The following COMMD10 variants were observed in gnomAD, a reference collection of about 807,000 sequenced individuals.
COMMD10 encodes the protein COMM domain containing 10, also known as COMM domain-containing protein 10.
Under a neutral mutation model 28.9 loss-of-function variants are expected in COMMD10, and 33 were observed. The ratio of observed to expected loss-of-function variants is 1.14; its 90% confidence interval spans 0.87 to 1.53. COMMD10 has a LOEUF of 1.53. Among genes scored for constraint, COMMD10 ranks in the 40% most tolerant of loss-of-function variants. COMMD10 has a pLI of 0.00. For synonymous variants in COMMD10, 110 were observed against 81.7 expected, an observed-to-expected ratio of 1.35 and a Z score of -1.87; for missense variants, 310 against 233.4, an observed-to-expected ratio of 1.33 and a Z score of -2.14.
At chr5:116,220,296 G>A (rs1272594370) in intron 5 of COMMD10, among the ~76,000 whole-genome samples, 1 of 152,194 alleles carries the variant, frequency 6.6e-6, no homozygotes, top group Non-Finnish European at 1.5e-5. Flanking sequence ...TTCTTCAGGA[G>A]TGAAGACTAC....
At chr5:116,087,453 C>T (rs1280116497) in intron 1 of COMMD10, 44 bp from the exon 2 acceptor site, 1 of 1,230,964 alleles carries the variant, frequency 8.1e-7, no homozygotes, top group Non-Finnish European at 1.2e-6. Context: ...TGCAGTTCAA[C>T]TTGGAAAACT....
At chr5:116,288,153 G>C (rs62384468) in intron 5 of COMMD10, among the ~76,000 whole-genome samples, 11,447 of 151,686 alleles carry the variant, frequency 0.075, 547 homozygotes, top group Admixed American at 0.13. Flanking sequence ...TCTTTATCTG[G>C]GAAAATGTTA....
At chr5:116,214,994 C>T (rs1253761581) in intron 5 of COMMD10, among the ~76,000 whole-genome samples, 1 of 152,008 alleles carries the variant, frequency 6.6e-6, no homozygotes, top group Non-Finnish European at 1.5e-5. Context: ...TTCTCCCCAG[C>T]CTTCTATGCA....
At chr5:116,186,875 A>C (rs1427628666) in intron 5 of COMMD10, among the ~76,000 whole-genome samples, 1 of 152,172 alleles carries the variant, frequency 6.6e-6, no homozygotes, top group East Asian at 1.9e-4. Context: ...GTTATTAAGC[A>C]CTGTAGCCCG....
chr5:116,118,340 G>T (rs562625237), intron 4 of COMMD10, among the ~76,000 whole-genome samples: 3 of 151,974 alleles, frequency 2.0e-5, no homozygotes, highest in East Asian at 3.9e-4. Flanking sequence ...CTCCTCAATG[G>T]CAATAATTTT....
At chr5:116,191,583 C>A (rs1748373152) in intron 5 of COMMD10, among the ~76,000 whole-genome samples, 1 of 151,920 alleles carries the variant, frequency 6.6e-6, no homozygotes, top group East Asian at 1.9e-4. Flanking sequence ...CCTAGGTACA[C>A]AGCTCTAGTG....
chr5:116,224,705 G>T (rs1749348833), intron 5 of COMMD10, among the ~76,000 whole-genome samples: 1 of 152,178 alleles, frequency 6.6e-6, no homozygotes, highest in South Asian at 2.1e-4. Flanking sequence ...CCCACCTCCA[G>T]CATTAGACAT....
chr5:116,118,220 T>C (rs950314512), intron 4 of COMMD10, among the ~76,000 whole-genome samples: 5 of 152,240 alleles, frequency 3.3e-5, no homozygotes, highest in African/African-American at 1.2e-4. Flanking sequence ...TGCCACCTCC[T>C]CTGTGGCATT....
At chr5:116,094,561 G>C (rs745875518) in intron 4 of COMMD10, among the ~76,000 whole-genome samples, 1 of 152,146 alleles carries the variant, frequency 6.6e-6, no homozygotes. Context: ...ACTCTCATAT[G>C]CTTTTGGTGG....
At chr5:116,152,838 T>G (rs181403240) in intron 5 of COMMD10, among the ~76,000 whole-genome samples, 1 of 152,226 alleles carries the variant, frequency 6.6e-6, no homozygotes, top group East Asian at 1.9e-4. Context: ...ATATGAGAAT[T>G]ATAAGCATAA....
chr5:116,191,762 A>G (rs1029525109), intron 5 of COMMD10, among the ~76,000 whole-genome samples: 3 of 151,866 alleles, frequency 2.0e-5, no homozygotes, highest in Non-Finnish European at 2.9e-5. Flanking sequence ...GCCCCTGCCC[A>G]TTGCTGGTCC....
At chr5:116,187,932 A>C (rs1172763827) in intron 5 of COMMD10, among the ~76,000 whole-genome samples, 1 of 152,108 alleles carries the variant, frequency 6.6e-6, no homozygotes, top group Admixed American at 6.6e-5. Flanking sequence ...TTACCCTGTA[A>C]TCACAGAAGC....
At chr5:116,138,280 C>T (rs1752089459) in intron 5 of COMMD10, among the ~76,000 whole-genome samples, 1 of 151,678 alleles carries the variant, frequency 6.6e-6, no homozygotes, top group South Asian at 2.1e-4. Flanking sequence ...TTTTTTGTTA[C>T]ATTCTGTCAC....
At chr5:116,219,593 G>A (rs1319177487) in intron 5 of COMMD10, among the ~76,000 whole-genome samples, 1 of 152,120 alleles carries the variant, frequency 6.6e-6, no homozygotes, top group African/African-American at 2.4e-5. Flanking sequence ...AGGAGGAAGA[G>A]GCAAAAAGCA....
intron 4 of COMMD10, 24 bp downstream of exon 4, chr5:116,092,724 A>G (rs774013583): frequency 2.7e-6 from 4 of 1,473,698 alleles, no homozygotes; most frequent in South Asian, 2.8e-5. Flanking sequence ...TGTCTTAAAT[A>G]TGTTTTTCAA....
intron 5 of COMMD10, among the ~76,000 whole-genome samples, chr5:116,200,249 C>A (rs1320702953): frequency 6.6e-6 from 1 of 152,048 alleles, no homozygotes; most frequent in Non-Finnish European, 1.5e-5. Flanking sequence ...ACCCATCACT[C>A]CACCCTTTTT....
At chr5:116,190,015 T>A (rs922057652) in intron 5 of COMMD10, among the ~76,000 whole-genome samples, 1 of 152,216 alleles carries the variant, frequency 6.6e-6, no homozygotes, top group Admixed American at 6.5e-5. Flanking sequence ...AGGTGATGTA[T>A]GTGACCTATG....
intron 5 of COMMD10, chr5:116,255,783 A>T (rs570352209): frequency 6.6e-6 from 1 of 151,364 alleles, no homozygotes; most frequent in East Asian, 2.0e-4. Flanking sequence ...ACAACCCATG[A>T]GTGCTTACTT....
chr5:116,109,321 T>C (rs908560984), intron 4 of COMMD10, among the ~76,000 whole-genome samples: 8 of 152,226 alleles, frequency 5.3e-5, no homozygotes, highest in Non-Finnish European at 7.3e-5. Flanking sequence ...TATGGGCTCA[T>C]GCCTGTCATT....
Sources: allele counts gnomAD v4.1 joint callset (sites outside exome capture counted in the v4.1 genomes callset), GRCh38; gene constraint gnomAD v4.1.1; transcripts MANE v1.5; gene names NCBI Gene and HGNC (gene_info 2026-07-23, HGNC 2026-07-21).